STK3: variants seen among roughly 807,000 people sequenced by gnomAD.
STK3 encodes the protein serine/threonine kinase 3, also known as serine/threonine-protein kinase 3.
A neutral mutation model predicts 58.0 loss-of-function variants in STK3; 41 were observed. The observed-to-expected ratio is 0.71, with a 90% confidence interval of 0.55 to 0.92. STK3 has a LOEUF of 0.92. STK3 is among the 40% of genes least tolerant of loss of function. STK3 has a pLI of 0.00. For missense variants in STK3, 479 were observed against 602.7 expected (o/e 0.79, Z 2.15); for synonymous variants, 170 against 191.0 (o/e 0.89, Z 0.91).
At chr8:98,389,940 T>C (rs1261449801), upstream of STK3, among the ~76,000 whole-genome samples, 1 of 152,000 alleles carries the variant, frequency 6.6e-6, no homozygotes, top group East Asian at 1.9e-4. Context: ...AGGAGGGATG[T>C]GATTTGACAT....
chr8:98,696,074 C>T (rs901773245), intron 6 of STK3, among the ~76,000 whole-genome samples: 1 of 152,034 alleles, frequency 6.6e-6, no homozygotes, highest in East Asian at 1.9e-4. Context: ...TGAAGAGGTC[C>T]TTCATGTCCC....
downstream of STK3, among the ~76,000 whole-genome samples, chr8:98,399,923 G>A (rs1817927286): frequency 6.6e-6 from 1 of 152,188 alleles, no homozygotes; most frequent in Admixed American, 6.5e-5. Context: ...GTTCAGAAGT[G>A]TTTGCAAACT....
At chr8:98,703,527 GT>G (rs1825759832) in intron 6 of STK3, among the ~76,000 whole-genome samples, 1 of 152,086 alleles carries the variant, frequency 6.6e-6, no homozygotes, top group African/African-American at 2.4e-5. Context: ...GATTTAATCT[GT>G]TTAGGGTAGG....
chr8:98,573,619 T>G (rs909492196), intron 8 of STK3, among the ~76,000 whole-genome samples: 10 of 151,880 alleles, frequency 6.6e-5, no homozygotes, highest in African/African-American at 1.9e-4. Context: ...GTCCTCACAT[T>G]TCAAAACACA....
chr8:98,589,416 CA>C (rs1815028907), intron 7 of STK3, among the ~76,000 whole-genome samples: 1 of 152,254 alleles, frequency 6.6e-6, no homozygotes, highest in African/African-American at 2.4e-5. Flanking sequence ...GCCCGGGGGT[CA>C]GGGGTCATGC....
intron 1 of STK3, among the ~76,000 whole-genome samples, chr8:98,387,872 C>CTTTTTTTT (rs1178928185): frequency 0.012 from 1,729 of 144,530 alleles, 61 homozygotes; most frequent in African/African-American, 0.045. Flanking sequence ...TGTAAAATGC[C>CTTTTTTTT]CTTTTTTTTT....
intron 10 of STK3, among the ~76,000 whole-genome samples, chr8:98,488,597 G>T (rs753272411): frequency 6.6e-6 from 1 of 152,116 alleles, no homozygotes; most frequent in Non-Finnish European, 1.5e-5. Flanking sequence ...CTAATTTCCC[G>T]TATTTGGGTA....
At chr8:98,815,650 C>G (rs575148551) in intron 1 of STK3, among the ~76,000 whole-genome samples, 24 of 152,228 alleles carry the variant, frequency 1.6e-4, no homozygotes, top group African/African-American at 5.5e-4. Context: ...ATGTTTAAAT[C>G]CATCTTCTCA....
the STK3 span, among the ~76,000 whole-genome samples, chr8:98,348,333 A>T: frequency 6.6e-6 from 1 of 152,222 alleles, no homozygotes; most frequent in Non-Finnish European, 1.5e-5. Context: ...AAAGAAAGAA[A>T]GAAAATCTAG....
intron 3 of STK3, chr8:98,413,567 C>T: frequency 3.0e-6 from 2 of 661,146 alleles, no homozygotes; most frequent in South Asian, 2.8e-5. Flanking sequence ...AGACAGATGA[C>T]AACTTTGTGT....
chr8:98,573,257 A>C (rs992315021), intron 8 of STK3, among the ~76,000 whole-genome samples: 1 of 152,216 alleles, frequency 6.6e-6, no homozygotes, highest in Non-Finnish European at 1.5e-5. Context: ...TCACACTGCT[A>C]TGAAGGAATA....
At chr8:98,613,579 T>A (rs1434516850) in intron 6 of STK3, among the ~76,000 whole-genome samples, 1 of 151,162 alleles carries the variant, frequency 6.6e-6, no homozygotes, top group African/African-American at 2.4e-5. Context: ...CATAGAAATA[T>A]CCTCATAAAC....
chr8:98,846,577 G>A (rs559516382), intron 3 of STK3, among the ~76,000 whole-genome samples: 3 of 152,224 alleles, frequency 2.0e-5, no homozygotes, highest in South Asian at 4.1e-4. Flanking sequence ...TTTGAAAATG[G>A]CAGCAAAACT....
rs181185737 is a variant in STK3 at position 98,746,236 on chromosome 8, T to C, written c.351+3040A>G. Among the ~76,000 whole-genome samples the C allele has an allele frequency of 4.1e-4, 63 of 152,172 alleles. 1 individual carries two copies. The East Asian group carries it at 0.011, about 27-fold the overall frequency. On this transcript the variant is annotated intron_variant, in intron 4 of 10. Transcript: ENST00000419617. ...AGTAAAATACGTCAACATTCAGAAG[T>C]TCAAATAACCTCTATCACGTTTTAC...
At chr8:98,540,269 G>A (rs1349125150) in intron 9 of STK3, among the ~76,000 whole-genome samples, 1 of 152,190 alleles carries the variant, frequency 6.6e-6, no homozygotes, top group Non-Finnish European at 1.5e-5. Flanking sequence ...CACCTCAGAA[G>A]CACTTGTAGA....
chr8:98,605,798 G>C (rs1563795516), intron 6 of STK3, among the ~76,000 whole-genome samples: 2 of 152,130 alleles, frequency 1.3e-5, no homozygotes, highest in African/African-American at 2.4e-5. Context: ...TTGGACCATG[G>C]GGGTGGAGTT....
chr8:98,908,843 CAA>C (rs1187304586), intron 1 of STK3, among the ~76,000 whole-genome samples: 9 of 60,450 alleles, frequency 1.5e-4, no homozygotes, highest in South Asian at 1.2e-3. Flanking sequence ...GACTTCTTCT[CAA>C]AAAAAAAAAA....
chr8:98,888,162 T>C (rs769910378), intron 1 of STK3, among the ~76,000 whole-genome samples: 10 of 152,042 alleles, frequency 6.6e-5, no homozygotes, highest in Non-Finnish European at 1.0e-4. Context: ...CTACTAAAAA[T>C]ACAAAAATTA....
intron 4 of STK3, among the ~76,000 whole-genome samples, chr8:98,747,802 T>C (rs541724498): frequency 6.6e-5 from 10 of 152,170 alleles, no homozygotes; most frequent in Non-Finnish European, 1.5e-4. Context: ...ACTCTTACCA[T>C]GCCATCCCAG....
Sources: gnomAD v4.1 joint callset for allele counts (sites outside exome capture counted in the v4.1 genomes callset) on GRCh38, gnomAD v4.1.1 for gene constraint, MANE v1.5 for transcripts, NCBI Gene and HGNC (gene_info 2026-07-23, HGNC 2026-07-21) for gene names.